GRIN2B: variants seen among roughly 807,000 people sequenced by gnomAD.
GRIN2B encodes glutamate ionotropic receptor NMDA type subunit 2B, also known as glutamate receptor ionotropic, NMDA 2B.
Under a neutral mutation model 114.5 loss-of-function variants are expected in GRIN2B, and 5 were observed. The ratio of observed to expected loss-of-function variants is 0.04; its 90% CI spans 0.02 to 0.09. The LOEUF (loss-of-function observed/expected upper bound fraction) is 0.09, where lower values mean the gene tolerates loss of function less well. Among genes scored for constraint, GRIN2B ranks in the 10% least tolerant of loss-of-function variants. The pLI, the probability that GRIN2B is intolerant of heterozygous loss-of-function variation, is 1.00. For missense variants in GRIN2B, 1,108 were observed against 1,943.5 expected (o/e 0.57, Z 8.08); for synonymous variants, 787 against 745.1 (o/e 1.06, Z -0.92).
chr12:13,655,091 C>G (rs1453552516), intron 5 of GRIN2B, among the ~76,000 whole-genome samples: 1 of 152,092 alleles, frequency 6.6e-6, no homozygotes. Flanking sequence ...CAGTGTAACA[C>G]TTTTGAGAAA....
At chr12:13,860,155 C>T (rs1171254655) in intron 3 of GRIN2B, among the ~76,000 whole-genome samples, 1 of 152,128 alleles carries the variant, frequency 6.6e-6, no homozygotes, top group African/African-American at 2.4e-5. Flanking sequence ...TCTCTCCAAA[C>T]CCACTGTCAT....
chr12:13,605,543 T>A (rs1469844312), intron 10 of GRIN2B, among the ~76,000 whole-genome samples: 14 of 75,184 alleles, frequency 1.9e-4, no homozygotes, highest in Admixed American at 8.2e-4. Flanking sequence ...TCTCTCTCTC[T>A]CTCTCTCTGA....
At chr12:13,856,227 C>T (rs1192295010) in intron 3 of GRIN2B, among the ~76,000 whole-genome samples, 4 of 152,160 alleles carry the variant, frequency 2.6e-5, no homozygotes, top group East Asian at 1.9e-4. Flanking sequence ...CAGAACCATT[C>T]GGGGAGCTGT....
intron 3 of GRIN2B, among the ~76,000 whole-genome samples, chr12:13,815,916 G>A (rs1415233522): frequency 1.3e-5 from 2 of 152,148 alleles, no homozygotes; most frequent in Non-Finnish European, 2.9e-5. Context: ...AACTGTAAGT[G>A]TAAAGCAACA....
Position 13,548,839 on chromosome 12 carries a change from T to G in GRIN2B, c.*13944A>C, listed in dbSNP as rs1948378069. The G allele has an allele frequency of 6.6e-6, 1 of 152,036 alleles. No homozygotes were observed. The highest frequency in any genetic ancestry group is 2.1e-4 in the South Asian group (1 of 4,818). 9.4% of individuals were successfully genotyped at this position (152,036 alleles called of 1,614,324 possible). On this transcript the variant is annotated 3_prime_UTR_variant, in exon 14 of 14. Transcript: ENST00000609686. ...TTCATGCATGGGAATAAAAGCTACCTCCTCCATTTCCTCCGATCATCTGAA... is the reference window on the plus strand; with the variant it reads ...TTCATGCATGGGAATAAAAGCTACCGCCTCCATTTCCTCCGATCATCTGAA...
intron 2 of GRIN2B, among the ~76,000 whole-genome samples, chr12:13,917,176 A>T (rs1226434865): frequency 6.6e-6 from 1 of 152,178 alleles, no homozygotes; most frequent in African/African-American, 2.4e-5. Context: ...GTCCAAGCAC[A>T]TCATGTCCCT....
chr12:13,627,404 G>A (rs1470862425), intron 5 of GRIN2B, among the ~76,000 whole-genome samples: 1 of 152,118 alleles, frequency 6.6e-6, no homozygotes, highest in Non-Finnish European at 1.5e-5. Flanking sequence ...CTATCTTTGT[G>A]GGGTTCTGAT....
At chr12:13,865,508 T>C (rs1323989536) in intron 3 of GRIN2B, among the ~76,000 whole-genome samples, 1 of 152,084 alleles carries the variant, frequency 6.6e-6, no homozygotes, top group Non-Finnish European at 1.5e-5. Context: ...GGCAGGCGCC[T>C]GTAATCCCAG....
At chr12:13,848,169 C>T (rs563866385) in intron 3 of GRIN2B, among the ~76,000 whole-genome samples, 21 of 152,284 alleles carry the variant, frequency 1.4e-4, no homozygotes, top group East Asian at 1.4e-3. Flanking sequence ...AAGTACCTTC[C>T]GTTTAAAATA....
chr12:13,836,950 A>G (rs183239425), intron 3 of GRIN2B, among the ~76,000 whole-genome samples: 292 of 152,282 alleles, frequency 1.9e-3, no homozygotes, highest in Admixed American at 5.9e-3. Flanking sequence ...AACAACAACA[A>G]TAATAATAGA....
intron 5 of GRIN2B, among the ~76,000 whole-genome samples, chr12:13,655,955 G>C (rs1008854609): frequency 6.6e-6 from 1 of 152,156 alleles, no homozygotes; most frequent in South Asian, 2.1e-4. Context: ...TGGAGTCTGT[G>C]CTGTTCCTTA....
At chr12:13,591,732 G>C (rs1949011477) in intron 10 of GRIN2B, among the ~76,000 whole-genome samples, 1 of 152,140 alleles carries the variant, frequency 6.6e-6, no homozygotes, top group African/African-American at 2.4e-5. Context: ...TGAGGGCCAT[G>C]GTTGCTAATA....
chr12:13,934,002 C>G (rs767009445), intron 2 of GRIN2B, among the ~76,000 whole-genome samples: 7 of 152,108 alleles, frequency 4.6e-5, no homozygotes, highest in Non-Finnish European at 1.0e-4. Context: ...TTACCACCAC[C>G]AAGTCCTACC....
At chr12:13,611,140 G>C (rs1432138735) in intron 9 of GRIN2B, among the ~76,000 whole-genome samples, 1 of 152,132 alleles carries the variant, frequency 6.6e-6, no homozygotes, top group Non-Finnish European at 1.5e-5. Context: ...CAGGAAATTG[G>C]ACCATACCCA....
chr12:13,600,111 G>A (rs1949135422), intron 10 of GRIN2B, among the ~76,000 whole-genome samples: 1 of 152,136 alleles, frequency 6.6e-6, no homozygotes, highest in South Asian at 2.1e-4. Flanking sequence ...GAAGCCTCTG[G>A]TCCTCTAATA....
intron 2 of GRIN2B, among the ~76,000 whole-genome samples, chr12:13,940,009 C>T (rs568544907): frequency 1.3e-5 from 2 of 152,248 alleles, no homozygotes; most frequent in East Asian, 3.9e-4. Context: ...CCTGTAAGTG[C>T]AGGTCCATGG....
At chr12:13,896,449 G>A (rs141449461) in intron 2 of GRIN2B, among the ~76,000 whole-genome samples, 203 of 152,326 alleles carry the variant, frequency 1.3e-3, no homozygotes, top group African/African-American at 4.6e-3. Context: ...TGGCCAGTGA[G>A]GGCATGCAAA....
chr12:13,804,481 T>C (rs1341150699), intron 3 of GRIN2B, among the ~76,000 whole-genome samples: 2 of 152,146 alleles, frequency 1.3e-5, no homozygotes, highest in Non-Finnish European at 2.9e-5. Flanking sequence ...AAACATAAGA[T>C]ATCTGAACCC....
At chr12:13,792,707 G>C (rs1011866598) in intron 3 of GRIN2B, among the ~76,000 whole-genome samples, 3 of 152,240 alleles carry the variant, frequency 2.0e-5, no homozygotes, top group African/African-American at 7.2e-5. Flanking sequence ...GTGCAAGGCA[G>C]ATGCTGTGGC....
Sources: allele counts gnomAD v4.1 joint callset (sites outside exome capture counted in the v4.1 genomes callset), GRCh38; gene constraint gnomAD v4.1.1; transcripts MANE v1.5; gene names NCBI Gene and HGNC (gene_info 2026-07-23, HGNC 2026-07-21).